TBC1D4: variants seen among roughly 807,000 people sequenced by gnomAD.
The protein encoded by TBC1D4 is TBC1 domain family member 4.
In TBC1D4, 121 loss-of-function variants were observed where a neutral mutation model predicts 142.5. The observed-to-expected ratio is 0.85, with a 90% CI of 0.73 to 0.99. The LOEUF is 0.99. TBC1D4 is among the 50% of genes least tolerant of loss of function. The probability of loss-of-function intolerance (pLI) is 0.00; values close to 1 mark genes in which losing one functional copy is unlikely to be tolerated. For missense variants in TBC1D4, 1,475 were observed against 1,606.6 expected, an observed-to-expected ratio of 0.92 and a Z score of 1.40; for synonymous variants, 630 against 628.2, an observed-to-expected ratio of 1.00 and a Z score of -0.04.
intron 1 of TBC1D4, among the ~76,000 whole-genome samples, chr13:75,366,547 G>C (rs143396433): frequency 1.9e-3 from 290 of 152,196 alleles, no homozygotes; most frequent in African/African-American, 6.4e-3. Context: ...ACAGAAATAA[G>C]GGTCTCATTA....
intron 1 of TBC1D4, 71 bp downstream of exon 1, chr13:75,481,199 C>CCCCCCCACCCCCCCT: frequency 8.1e-7 from 1 of 1,241,712 alleles, no homozygotes; most frequent in Non-Finnish European, 1.1e-6. Flanking sequence ...GTGGGGTCCC[C>CCCCCCCACCCCCCCT]GCCCCTCCCG....
At chr13:75,293,476 G>C (rs755752764) in intron 18 of TBC1D4, among the ~76,000 whole-genome samples, 2 of 152,160 alleles carry the variant, frequency 1.3e-5, no homozygotes, top group African/African-American at 2.4e-5. Context: ...GCTTCCAAGG[G>C]TAAGTAAAAG....
intron 1 of TBC1D4, among the ~76,000 whole-genome samples, chr13:75,416,708 G>T (rs1309993789): frequency 6.6e-6 from 1 of 152,192 alleles, no homozygotes; most frequent in Non-Finnish European, 1.5e-5. Context: ...CCAGGTTGTG[G>T]ATAATAAAAA....
At chr13:75,301,973 T>C (rs1032629944) in intron 16 of TBC1D4, among the ~76,000 whole-genome samples, 2 of 152,168 alleles carry the variant, frequency 1.3e-5, no homozygotes, top group East Asian at 1.9e-4. Context: ...GAGCACCCCA[T>C]AATATGACCT....
rs910624384 is a variant in TBC1D4 at position 75,285,601 on chromosome 13, G to C, written c.*1191C>G. ...AAATGCAGAATTGCAGGTTTTAGTTGAGCTGGTAACACTGGTACCACTTTC... is the reference window on the plus strand; with the variant it reads ...AAATGCAGAATTGCAGGTTTTAGTTCAGCTGGTAACACTGGTACCACTTTC... On this transcript the variant is annotated 3_prime_UTR_variant, in exon 21 of 21. Coordinates refer to ENST00000377636, the MANE Select transcript of TBC1D4 (RefSeq NM_014832.5). The C allele has an allele frequency of 2.0e-5, 3 of 152,672 alleles. No individual in the cohort carries two copies. Among genetic ancestry groups the C allele is most frequent in the Non-Finnish European group, 2.9e-5 (2 of 68,042 alleles). 9.5% of individuals were successfully genotyped at this position (152,672 alleles called of 1,614,324 possible).
At chr13:75,326,123 C>T (rs1879223690) in intron 10 of TBC1D4, 74 bp downstream of exon 10, 1 of 1,526,800 alleles carries the variant, frequency 6.5e-7, no homozygotes, top group East Asian at 2.3e-5. Flanking sequence ...ATTCACAATC[C>T]ACCTTGACTC....
intron 1 of TBC1D4, among the ~76,000 whole-genome samples, chr13:75,409,837 C>T (rs2138389943): frequency 6.6e-6 from 1 of 152,334 alleles, no homozygotes; most frequent in Admixed American, 6.5e-5. Flanking sequence ...AAGGTCCCTT[C>T]TAATCTTAGG....
chr13:75,369,497 TCACACACA>T (rs67470405), intron 1 of TBC1D4, among the ~76,000 whole-genome samples: 28,064 of 150,624 alleles, frequency 0.19, 3,001 homozygotes, highest in East Asian at 0.35. Context: ...AGACCCTGTC[TCACACACA>T]CACACACACA....
chr13:75,476,727 G>A (rs986520451), intron 1 of TBC1D4, among the ~76,000 whole-genome samples: 3 of 152,172 alleles, frequency 2.0e-5, no homozygotes, highest in African/African-American at 7.2e-5. Context: ...GAACAGAAAT[G>A]GTCATACAGC....
intron 12 of TBC1D4, among the ~76,000 whole-genome samples, chr13:75,316,039 C>T (rs1269561749): frequency 1.3e-5 from 2 of 152,180 alleles, no homozygotes; most frequent in Non-Finnish European, 1.5e-5. Context: ...AAAAGATCAA[C>T]AAATATTAAT....
rs1269267253 is a variant in TBC1D4, at chr13:75,481,287, C to A, written c.481G>T (p.Ala161Ser). ...TGTCTTGCCTGGCTGGGGTCTGTGG[C>A]GCGGAAAACGTGGCAGGCCATCTGC... ...ESQMACHVFR[A>S]TDPSQVPDVI... Residue 161 changes from alanine (A) to serine (S), a missense_variant, in exon 1 of 21, where the codon GCC becomes TCC. Transcript: ENST00000377636. 6.9e-7 allele frequency: 1 copy of A among 1,450,340 alleles called. No individual in the cohort carries two copies. Among genetic ancestry groups the A allele is most frequent in the Non-Finnish European group, 9.3e-7 (1 of 1,076,698 alleles). The allele number at this position is 1,450,340 out of a possible 1,614,324, so 89.8% of individuals were successfully genotyped here.
At chr13:75,420,031 C>T (rs555049756) in intron 1 of TBC1D4, among the ~76,000 whole-genome samples, 4 of 152,148 alleles carry the variant, frequency 2.6e-5, no homozygotes, top group African/African-American at 9.7e-5. Context: ...ACTGCGTGAA[C>T]AAACACAAAG....
At chr13:75,302,462 A>G in intron 15 of TBC1D4, 61 bp from the exon 16 acceptor site, 1 of 1,599,756 alleles carries the variant, frequency 6.3e-7, no homozygotes, top group Middle Eastern at 1.7e-4. Context: ...GATAGATCCC[A>G]GCTGATTCAC....
chr13:75,427,362 A>T (rs1020852367), intron 1 of TBC1D4, among the ~76,000 whole-genome samples: 1 of 152,126 alleles, frequency 6.6e-6, no homozygotes, highest in Non-Finnish European at 1.5e-5. Context: ...TCTGCTGTAT[A>T]TATCAACAAT....
rs1162994115 is a variant in TBC1D4, at chr13:75,481,903, G to C, written c.-136C>G. 10 of 1,274,956 alleles carry C rather than the reference G, an allele frequency of 7.8e-6. No homozygotes were observed. The highest frequency in any genetic ancestry group is 9.1e-6 in the Non-Finnish European group (9 of 987,534). 79.0% of individuals were successfully genotyped at this position (1,274,956 alleles called of 1,614,324 possible). On this transcript the variant is annotated 5_prime_UTR_variant, in exon 1 of 21. Coordinates refer to ENST00000377636, the MANE Select transcript of TBC1D4 (RefSeq NM_014832.5). ...GCCTGCCTGGGAGCGGCGCGACCCCGAACTCCGCGCTTCAGCAGCCCTGCC... is the reference window on the plus strand; with the variant it reads ...GCCTGCCTGGGAGCGGCGCGACCCCCAACTCCGCGCTTCAGCAGCCCTGCC...
intron 1 of TBC1D4, among the ~76,000 whole-genome samples, chr13:75,406,703 T>C (rs1566466795): frequency 1.3e-5 from 2 of 152,150 alleles, no homozygotes; most frequent in South Asian, 4.1e-4. Flanking sequence ...AAAGTGATTA[T>C]TAGAGAAAAG....
At chr13:75,424,344 C>G (rs1886291027) in intron 1 of TBC1D4, among the ~76,000 whole-genome samples, 1 of 150,544 alleles carries the variant, frequency 6.6e-6, no homozygotes, top group Non-Finnish European at 1.5e-5. Flanking sequence ...TCTAAGAAAG[C>G]AATCATTCAA....
intron 4 of TBC1D4, among the ~76,000 whole-genome samples, chr13:75,351,397 T>C (rs1477519832): frequency 6.6e-6 from 1 of 152,116 alleles, no homozygotes; most frequent in Non-Finnish European, 1.5e-5. Flanking sequence ...TATATATACT[T>C]ATTGTAAAAA....
chr13:75,408,273 T>C (rs923648447), intron 1 of TBC1D4, among the ~76,000 whole-genome samples: 1 of 152,256 alleles, frequency 6.6e-6, no homozygotes, highest in Non-Finnish European at 1.5e-5. Flanking sequence ...TGTTGTGGCA[T>C]GTATCAGTGC....
Sources: allele counts gnomAD v4.1 joint callset (sites outside exome capture counted in the v4.1 genomes callset), GRCh38; gene constraint gnomAD v4.1.1; transcripts MANE v1.5; gene names NCBI Gene and HGNC (gene_info 2026-07-23, HGNC 2026-07-21).